Variants in GPHN observed in about 807,000 individuals in gnomAD.
GPHN encodes gephyrin.
A neutral mutation model predicts 95.5 loss-of-function variants in GPHN; 17 were observed. That is an observed-to-expected ratio of 0.18 (90% CI 0.12 to 0.27). The LOEUF is 0.27. GPHN is among the 10% of genes least tolerant of loss of function. The pLI is 1.00. For missense variants in GPHN, 660 were observed against 978.1 expected (o/e 0.67, Z 4.34); for synonymous variants, 320 against 322.5 (o/e 0.99, Z 0.08).
At chr14:66,587,364 C>G (rs2061463920) in intron 1 of GPHN, among the ~76,000 whole-genome samples, 1 of 152,110 alleles carries the variant, frequency 6.6e-6, no homozygotes, top group Non-Finnish European at 1.5e-5. Context: ...GTAGATAAAT[C>G]TTTCAAACTA....
the GPHN span, among the ~76,000 whole-genome samples, chr14:67,618,757 C>T: frequency 6.6e-6 from 1 of 152,120 alleles, no homozygotes; most frequent in Non-Finnish European, 1.5e-5. Flanking sequence ...CACTGCCTTA[C>T]AGTGGTTATT....
At chr14:67,583,908 GCAA>G in the GPHN span, 2 of 1,612,310 alleles carry the variant, frequency 1.2e-6, no homozygotes, top group South Asian at 2.2e-5. Flanking sequence ...AGGTCTTGCA[GCAA>G]GTCACTGTGG....
chr14:67,127,457 C>T (rs2079399277), intron 17 of GPHN, among the ~76,000 whole-genome samples: 1 of 152,106 alleles, frequency 6.6e-6, no homozygotes, highest in African/African-American at 2.4e-5. Context: ...ATAAGGAGAA[C>T]AATACAATTT....
intron 10 of GPHN, among the ~76,000 whole-genome samples, chr14:67,045,219 C>G (rs1383781215): frequency 6.6e-6 from 1 of 152,240 alleles, no homozygotes; most frequent in African/African-American, 2.4e-5. Flanking sequence ...TCCGTTCTGT[C>G]TCAAATATGT....
chr14:67,090,811 G>A (rs1677013939), intron 12 of GPHN, among the ~76,000 whole-genome samples: 1 of 151,902 alleles, frequency 6.6e-6, no homozygotes, highest in Admixed American at 6.6e-5. Context: ...GTAACTTTGA[G>A]CAGCTCACTT....
chr14:67,107,860 A>G (rs2078136995), intron 13 of GPHN, among the ~76,000 whole-genome samples: 1 of 152,156 alleles, frequency 6.6e-6, no homozygotes, highest in Non-Finnish European at 1.5e-5. Flanking sequence ...GCAGGGTACT[A>G]GAGTTATTTG....
intron 1 of GPHN, among the ~76,000 whole-genome samples, chr14:66,642,565 T>G (rs1384502897): frequency 1.3e-5 from 2 of 151,708 alleles, no homozygotes; most frequent in East Asian, 1.9e-4. Context: ...TTTTGTTTTT[T>G]TTTTTTTTGA....
chr14:67,227,425 G>A, the GPHN span: 1 of 139,762 alleles, frequency 7.2e-6, no homozygotes, highest in African/African-American at 2.7e-5. Flanking sequence ...GGGCAACAGA[G>A]TAAGATGCTG....
the GPHN span, among the ~76,000 whole-genome samples, chr14:67,266,821 G>A: frequency 9.9e-5 from 15 of 151,924 alleles, no homozygotes; most frequent in Admixed American, 5.3e-4. Flanking sequence ...AAAAAACTTC[G>A]TTTCTTGGCT....
the GPHN span, chr14:67,620,238 C>G: frequency 2.3e-6 from 1 of 435,738 alleles, no homozygotes; most frequent in Non-Finnish European, 4.2e-6. Context: ...CTACTGGGCA[C>G]CGTGGGAGCA....
At chr14:67,379,626 C>G in the GPHN span, among the ~76,000 whole-genome samples, 1 of 150,926 alleles carries the variant, frequency 6.6e-6, no homozygotes, top group African/African-American at 2.4e-5. Flanking sequence ...TCCTTTTTTA[C>G]ATGACATAAC....
Position 66,508,438 on chromosome 14 carries a change from C to G in GPHN, c.-90C>G. On this transcript the variant is annotated 5_prime_UTR_variant, in exon 1 of 23. Transcript: ENST00000478722. ...CGCTTCTCTGGCTCCCTAGCTGTCG[C>G]GCTCTCCTCGGCGAGCGCGCTCCCG... The G allele has an allele frequency of 8.7e-7, 1 of 1,143,660 alleles. No individual in the cohort carries two copies. Among genetic ancestry groups the G allele is most frequent in the Non-Finnish European group, 1.3e-6 (1 of 751,486 alleles). 70.8% of individuals were successfully genotyped at this position (1,143,660 alleles called of 1,614,324 possible).
chr14:66,870,320 C>T (rs1446905133), intron 4 of GPHN, among the ~76,000 whole-genome samples: 1 of 152,140 alleles, frequency 6.6e-6, no homozygotes, highest in Non-Finnish European at 1.5e-5. Context: ...TATATTTTTT[C>T]TTTTATGTTC....
the GPHN span, among the ~76,000 whole-genome samples, chr14:67,209,382 T>A: frequency 9.8e-5 from 15 of 152,302 alleles, no homozygotes; most frequent in African/African-American, 3.4e-4. Context: ...TCAAGGCCAT[T>A]TGAGCAGAGA....
intron 2 of GPHN, among the ~76,000 whole-genome samples, chr14:66,773,977 GCAT>G (rs1249850019): frequency 1.4e-5 from 2 of 147,654 alleles, no homozygotes; most frequent in Non-Finnish European, 1.5e-5. Flanking sequence ...AGGTAATTGA[GCAT>G]CATATCTAGA....
chr14:66,877,413 A>T (rs1457972876), intron 4 of GPHN, among the ~76,000 whole-genome samples: 1 of 152,206 alleles, frequency 6.6e-6, no homozygotes, highest in African/African-American at 2.4e-5. Context: ...AAAGAAATAA[A>T]GGGTATTCAA....
intron 5 of GPHN, among the ~76,000 whole-genome samples, chr14:66,912,172 G>C (rs1309264776): frequency 6.6e-6 from 1 of 152,028 alleles, no homozygotes; most frequent in Non-Finnish European, 1.5e-5. Context: ...TTTTGCATCA[G>C]CTTCCACCCA....
intron 16 of GPHN, among the ~76,000 whole-genome samples, chr14:67,117,810 C>T (rs2078778597): frequency 6.6e-6 from 1 of 152,096 alleles, no homozygotes; most frequent in Non-Finnish European, 1.5e-5. Flanking sequence ...AAAAAACGAT[C>T]AGACCTCAAA....
intron 4 of GPHN, among the ~76,000 whole-genome samples, chr14:66,845,617 C>CT (rs1220997591): frequency 6.6e-6 from 1 of 151,982 alleles, no homozygotes; most frequent in Non-Finnish European, 1.5e-5. Context: ...ATGAAGATGA[C>CT]TAAGATGAGG....
Sources: gnomAD v4.1 joint callset for allele counts (sites outside exome capture counted in the v4.1 genomes callset) on GRCh38, gnomAD v4.1.1 for gene constraint, MANE v1.5 for transcripts, NCBI Gene and HGNC (gene_info 2026-07-23, HGNC 2026-07-21) for gene names.